The following CHRDL1 variants were observed in gnomAD, a reference collection of about 807,000 sequenced individuals.
The protein encoded by CHRDL1 is chordin-like protein 1.
A neutral mutation model predicts 40.9 loss-of-function variants in CHRDL1; 19 were observed. That is an observed-to-expected ratio of 0.46 (90% CI 0.32 to 0.68). The LOEUF (loss-of-function observed/expected upper bound fraction) is 0.68, where lower values mean the gene tolerates loss of function less well. CHRDL1 is among the 30% of genes least tolerant of loss of function. CHRDL1 has a pLI of 0.03. For missense variants in CHRDL1, 329 were observed against 352.1 expected (o/e 0.93, Z 0.53); for synonymous variants, 136 against 123.4 (o/e 1.10, Z -0.68).
chrX:110,691,346 G>T (rs979376934), intron 8 of CHRDL1, among the ~76,000 whole-genome samples: 1 of 109,658 alleles, frequency 9.1e-6, no homozygotes, highest in Non-Finnish European at 1.9e-5. Flanking sequence ...TATAAGGCAT[G>T]GAGCTAGGCT....
At chrX:110,684,542 G>C (rs2069965627) in intron 9 of CHRDL1, among the ~76,000 whole-genome samples, 2 of 111,740 alleles carry the variant, frequency 1.8e-5, no homozygotes, top group Admixed American at 9.5e-5. Flanking sequence ...ACTCTCTCTT[G>C]ATCCTGTTTG....
At chrX:110,733,063 C>A (rs952453118) in intron 4 of CHRDL1, among the ~76,000 whole-genome samples, 3 of 112,402 alleles carry the variant, frequency 2.7e-5, no homozygotes, top group African/African-American at 9.7e-5. Context: ...TTACCAAATG[C>A]ATTCTACCTG....
intron 6 of CHRDL1, among the ~76,000 whole-genome samples, chrX:110,719,516 T>C (rs1164338386): frequency 1.8e-5 from 2 of 110,540 alleles, no homozygotes; most frequent in African/African-American, 6.6e-5. Flanking sequence ...TGTTTTATGA[T>C]ACAATAATTT....
At chrX:110,680,880 G>C (rs1416599789) in intron 10 of CHRDL1, among the ~76,000 whole-genome samples, 3 of 111,823 alleles carry the variant, frequency 2.7e-5, no homozygotes, top group Non-Finnish European at 5.6e-5. Context: ...ATTGTGACTG[G>C]GGTTTCTCCA....
At chrX:110,684,236 T>A (rs1386433276) in intron 9 of CHRDL1, among the ~76,000 whole-genome samples, 1 of 112,429 alleles carries the variant, frequency 8.9e-6, no homozygotes, top group Non-Finnish European at 1.9e-5. Context: ...TAGTTTGTTA[T>A]TGTAGGAGGC....
chrX:110,685,725 C>T (rs191605358), intron 9 of CHRDL1, among the ~76,000 whole-genome samples: 2 of 110,445 alleles, frequency 1.8e-5, no homozygotes, highest in East Asian at 2.8e-4. Context: ...GGTACAGATA[C>T]ACCATAATTT....
chrX:110,781,012 T>A (rs184422996), intron 2 of CHRDL1, among the ~76,000 whole-genome samples: 64 of 111,355 alleles, frequency 5.7e-4, no homozygotes, highest in East Asian at 3.9e-3. Flanking sequence ...CAATACATTT[T>A]TTTTTGGTAT....
chrX:110,774,566 T>A (rs1351202392), intron 2 of CHRDL1, among the ~76,000 whole-genome samples: 2 of 110,936 alleles, frequency 1.8e-5, no homozygotes, highest in African/African-American at 6.6e-5. Flanking sequence ...ATATATAGGA[T>A]GAACAAGTCT....
rs1404437711 is a variant in CHRDL1, at chrX:110,697,838, A to G, written c.609+2816T>C. Reference sequence around the variant, plus strand: ...TCCACACACACACACACACACACACACACACACACACACACACACACACAC... The same window carrying G: ...TCCACACACACACACACACACACACGCACACACACACACACACACACACAC... On this transcript the variant is annotated intron_variant, in intron 7 of 11. Transcript: ENST00000372042. Among the ~76,000 whole-genome samples, 5 of 89,435 alleles carry G rather than the reference A, an allele frequency of 5.6e-5. 1 individual carries two copies. Among genetic ancestry groups the G allele is most frequent in the African/African-American group, 3.0e-4 (5 of 16,874 alleles). 77.7% of individuals were successfully genotyped at this position (89,435 alleles called of 115,157 possible). A position where few individuals can be genotyped will look rare whatever the true frequency, so the allele number is the denominator to read the frequency against.
chrX:110,710,817 G>C (rs534869944), intron 6 of CHRDL1, among the ~76,000 whole-genome samples: 1 of 111,664 alleles, frequency 9.0e-6, no homozygotes, highest in East Asian at 2.8e-4. Flanking sequence ...CCATACACAT[G>C]AACATAAATG....
chrX:110,751,589 T>TTAGA (rs1292426237), intron 4 of CHRDL1, among the ~76,000 whole-genome samples: 2 of 111,941 alleles, frequency 1.8e-5, no homozygotes, highest in Non-Finnish European at 3.8e-5. Context: ...CTCAGCCCAG[T>TTAGA]TAGAATGGTT....
chrX:110,721,312 G>C lies in CHRDL1; in HGVS notation c.447+73C>G, dbSNP rs766633552. On this transcript the variant is annotated intron_variant, in intron 5 of 11. Transcript: ENST00000372042. ...AACACCTTACAGTGCAGGCACAAAT[G>C]AAAGTACAAGTACAGAGGAAGCTCT... is the stretch of plus-strand genomic sequence containing the variant. 1.7e-3 allele frequency: 1,632 copies of C among 987,694 alleles called. 1 individual carries two copies. Among genetic ancestry groups the C allele is most frequent in the Non-Finnish European group, 1.9e-3 (1,314 of 696,189 alleles). The allele number at this position is 987,694 out of a possible 1,213,427, so 81.4% of individuals were successfully genotyped here. A position where few individuals can be genotyped will look rare whatever the true frequency, so the allele number is the denominator to read the frequency against.
chrX:110,750,904 G>A (rs1286071340), intron 4 of CHRDL1, among the ~76,000 whole-genome samples: 4 of 111,838 alleles, frequency 3.6e-5, no homozygotes, highest in African/African-American at 1.3e-4. Flanking sequence ...GAGTGTCTAT[G>A]TGCTCCATTA....
At chrX:110,737,563 G>C (rs1043595877) in intron 4 of CHRDL1, among the ~76,000 whole-genome samples, 3 of 111,947 alleles carry the variant, frequency 2.7e-5, no homozygotes, top group Non-Finnish European at 5.6e-5. Flanking sequence ...CAGATTCTAA[G>C]AGTTCATCTT....
chrX:110,685,483 G>C (rs1478384841), intron 9 of CHRDL1, among the ~76,000 whole-genome samples: 1 of 111,447 alleles, frequency 9.0e-6, no homozygotes, highest in African/African-American at 3.3e-5. Flanking sequence ...GGCTGGTCTT[G>C]AACTCCTGGG....
At chrX:110,700,793 G>A in intron 6 of CHRDL1, 72 bp from the exon 7 acceptor site, 1 of 723,952 alleles carries the variant, frequency 1.4e-6, no homozygotes. Flanking sequence ...TTGTGACCCA[G>A]CAACATTTTT....
chrX:110,726,709 T>C (rs2071064769), intron 4 of CHRDL1, among the ~76,000 whole-genome samples: 1 of 112,046 alleles, frequency 8.9e-6, no homozygotes, highest in Admixed American at 9.5e-5. Context: ...AAATGGTAGA[T>C]GATCTTGCTC....
chrX:110,736,809 T>C (rs1221148530), intron 4 of CHRDL1, among the ~76,000 whole-genome samples: 1 of 112,094 alleles, frequency 8.9e-6, no homozygotes, highest in African/African-American at 3.2e-5. Flanking sequence ...GAACTAATAT[T>C]TACTGGCTCA....
intron 2 of CHRDL1, among the ~76,000 whole-genome samples, chrX:110,766,214 G>A (rs1194934584): frequency 9.0e-6 from 1 of 111,482 alleles, no homozygotes; most frequent in Non-Finnish European, 1.9e-5. Context: ...TAAGAGGAAA[G>A]TGCATAACCC....
Sources: allele counts gnomAD v4.1 joint callset (sites outside exome capture counted in the v4.1 genomes callset), GRCh38; gene constraint gnomAD v4.1.1; transcripts MANE v1.5; gene names NCBI Gene and HGNC (gene_info 2026-07-23, HGNC 2026-07-21).